CACNA1I: variants seen among roughly 807,000 people sequenced by gnomAD.
The protein encoded by CACNA1I is voltage-dependent T-type calcium channel subunit alpha-1I.
Under a neutral mutation model 201.6 loss-of-function variants are expected in CACNA1I, and 74 were observed. The observed-to-expected ratio is 0.37, with a 90% CI of 0.30 to 0.45. The LOEUF (loss-of-function observed/expected upper bound fraction) is 0.45, where lower values mean the gene tolerates loss of function less well. Ranked by LOEUF, CACNA1I falls within the 20% of genes least tolerant of loss-of-function variation. The pLI is 1.00. For synonymous variants in CACNA1I, 1,431 were observed against 1,345.2 expected, an observed-to-expected ratio of 1.06 and a Z score of -1.40; for missense variants, 2,346 against 3,138.1, an observed-to-expected ratio of 0.75 and a Z score of 6.03.
At chr22:39,632,319 G>A (rs1356477008) in intron 4 of CACNA1I, among the ~76,000 whole-genome samples, 1 of 152,072 alleles carries the variant, frequency 6.6e-6, no homozygotes, top group African/African-American at 2.4e-5. Flanking sequence ...AGAGCTGATC[G>A]AGGGTTCTGC....
At chr22:39,581,937 G>C (rs1932565463) in intron 1 of CACNA1I, among the ~76,000 whole-genome samples, 1 of 152,168 alleles carries the variant, frequency 6.6e-6, no homozygotes, top group African/African-American at 2.4e-5. Context: ...TATCCTGTGT[G>C]ATGCTGAGCA....
intron 34 of CACNA1I, among the ~76,000 whole-genome samples, chr22:39,681,749 T>A (rs1177519215): frequency 6.6e-6 from 1 of 151,800 alleles, no homozygotes; most frequent in Non-Finnish European, 1.5e-5. Context: ...AAGGGACAGC[T>A]GGGGGATACC....
intron 3 of CACNA1I, among the ~76,000 whole-genome samples, chr22:39,607,304 C>A (rs6001639): frequency 0.46 from 70,494 of 152,120 alleles, 17,157 homozygotes; most frequent in African/African-American, 0.52. Context: ...AACACATGCA[C>A]ATCCTTTCAC....
chr22:39,602,132 T>C lies in CACNA1I; in HGVS notation c.482+1479T>C, dbSNP rs1601809462. On this transcript the variant is annotated intron_variant, in intron 3 of 36. Coordinates refer to ENST00000402142, the MANE Select transcript of CACNA1I (RefSeq NM_021096.4). ...CTGTACCTAGGTTGGAGTGTGGTGA[T>C]GCAGTCACCACACACTGCAGCCTTG... Among the ~76,000 whole-genome samples, 3 of 129,982 alleles carry C rather than the reference T, an allele frequency of 2.3e-5. No homozygotes were observed. The South Asian group carries it at 8.9e-4, about 39-fold the overall frequency. 85.3% of individuals were successfully genotyped at this position (129,982 alleles called of 152,430 possible).
intron 35 of CACNA1I, among the ~76,000 whole-genome samples, chr22:39,683,782 C>G (rs1935772230): frequency 6.6e-6 from 1 of 151,530 alleles, no homozygotes; most frequent in South Asian, 2.1e-4. Context: ...TGCAGCCAAC[C>G]AGGCCAGACT....
At position 39,684,729 on chromosome 22, in the gene CACNA1I, A is replaced by AGG. The variant is rs370237729; in HGVS notation, c.6027+232_6027+233dup. On this transcript the variant is annotated intron_variant, in intron 36 of 36. Coordinates refer to ENST00000402142, the MANE Select transcript of CACNA1I (RefSeq NM_021096.4). The surrounding 1 kb of genome is among the most constrained non-coding windows in gnomAD (Gnocchi z 4.6). ...GTCCTGGGGACAGCAGAGTGTGGGG[A>AGG]GGACCCCAAGGCGGGTCTGGAAGAG... The AGG allele has an allele frequency of 1.6e-6, 1 of 606,314 alleles. No homozygotes were observed. The highest frequency in any genetic ancestry group is 1.9e-5 in the African/African-American group (1 of 54,000). 37.6% of individuals were successfully genotyped at this position (606,314 alleles called of 1,614,324 possible).
At chr22:39,641,252 G>C (rs776391600) in intron 6 of CACNA1I, 70 bp downstream of exon 6, 116 of 1,363,058 alleles carry the variant, frequency 8.5e-5, no homozygotes, top group Non-Finnish European at 1.2e-4. Flanking sequence ...GCAGGGCTCT[G>C]TGCTAGGCAT....
Position 39,659,323 on chromosome 22 carries a change from G to A in CACNA1I, c.2331-110G>A, listed in dbSNP as rs1285359505. 3.2e-6 allele frequency: 3 copies of A among 949,730 alleles called. No individual in the cohort carries two copies. Among genetic ancestry groups the A allele is most frequent in the African/African-American group, 1.6e-5 (1 of 61,622 alleles). The allele number at this position is 949,730 out of a possible 1,614,324, so 58.8% of individuals were successfully genotyped here. ...ATCTCTGTAAAATGGGACCAACGCT[G>A]CCCCGCCTCCCCCTGCCCTGCATTT... On this transcript the variant is annotated intron_variant, in intron 12 of 36. Coordinates refer to ENST00000402142, the MANE Select transcript of CACNA1I (RefSeq NM_021096.4). This position sits in a 1 kb window ranked among gnomAD's most constrained non-coding sequence, Gnocchi z 4.3.
At chr22:39,578,533 T>C (rs767726111) in intron 1 of CACNA1I, among the ~76,000 whole-genome samples, 7 of 152,076 alleles carry the variant, frequency 4.6e-5, no homozygotes, top group Non-Finnish European at 8.8e-5. Flanking sequence ...GAGAGAGCAC[T>C]GGGCCAGGTA....
At position 39,631,333 on chromosome 22, in the gene CACNA1I, T is replaced by C. The variant is rs117281553; in HGVS notation, c.581-3232T>C. On this transcript the variant is annotated intron_variant, in intron 4 of 36. Transcript: ENST00000402142. ...GACTCCAGGGTCCTCTTCCCCTTTT[T>C]AGCTGGGGAGCCAGGGCCCTCAATC... Among the ~76,000 whole-genome samples, 79 of 152,316 alleles carry C rather than the reference T, an allele frequency of 5.2e-4. 1 individual carries two copies. In the East Asian group the frequency reaches 9.3e-3, roughly 18 times the overall value.
At chr22:39,578,033 G>A (rs1932418024) in intron 1 of CACNA1I, among the ~76,000 whole-genome samples, 1 of 152,230 alleles carries the variant, frequency 6.6e-6, no homozygotes, top group Non-Finnish European at 1.5e-5. Flanking sequence ...CACTGGAGCT[G>A]ACGGAGTCGC....
At chr22:39,576,788 C>T (rs1932370522) in intron 1 of CACNA1I, among the ~76,000 whole-genome samples, 3 of 152,154 alleles carry the variant, frequency 2.0e-5, no homozygotes, top group African/African-American at 7.2e-5. Flanking sequence ...ACCCATTTCC[C>T]GGCCGCCCTC....
chr22:39,598,106 C>A, intron 1 of CACNA1I, 45 bp from the exon 2 acceptor site: 1 of 1,255,218 alleles, frequency 8.0e-7, no homozygotes, highest in East Asian at 2.5e-5. Context: ...CCCCAGCCCC[C>A]ACGGGCGATC....
At chr22:39,680,813 C>A in intron 33 of CACNA1I, 117 bp from the exon 34 acceptor site, 1 of 1,167,048 alleles carries the variant, frequency 8.6e-7, no homozygotes, top group African/African-American at 1.5e-5. Flanking sequence ...GTGTCTGGAC[C>A]TTTCTGACCA....
At chr22:39,607,072 G>A (rs1175365761) in intron 3 of CACNA1I, among the ~76,000 whole-genome samples, 3 of 152,196 alleles carry the variant, frequency 2.0e-5, no homozygotes, top group South Asian at 2.1e-4. Flanking sequence ...TCTGATGTCT[G>A]GTCTCTGGGG....
chr22:39,646,869 C>A lies in CACNA1I; in HGVS notation c.1450C>A (p.Pro484Thr), dbSNP rs879392166. The A allele has an allele frequency of 6.6e-7, 1 of 1,505,104 alleles. No homozygotes were observed. The highest frequency in any genetic ancestry group is 2.5e-5 in the East Asian group (1 of 40,524). The allele number at this position is 1,505,104 out of a possible 1,614,324, so 93.2% of individuals were successfully genotyped here. A position where few individuals can be genotyped will look rare whatever the true frequency, so the allele number is the denominator to read the frequency against. Residue 484 changes from proline to threonine, a missense_variant, in exon 8 of 37, where the codon CCC becomes ACC. Pro to Thr is a conservative substitution (Grantham distance 38). This residue lies in a region of CACNA1I where 312 missense variants were observed against 331.5 expected (regional missense o/e 0.94). Coordinates refer to ENST00000402142, the MANE Select transcript of CACNA1I (RefSeq NM_021096.4). ...PAKPGPHAKE[P>T]RHYHGKTKGQ... ...CAAACCTGGGCCCCACGCCAAGGAG[C>A]CCCGGCACTACCGTAAGTGGCCCTG... is the stretch of plus-strand genomic sequence containing the variant.
intron 3 of CACNA1I, among the ~76,000 whole-genome samples, chr22:39,605,145 C>T (rs1027237791): frequency 3.3e-5 from 5 of 150,570 alleles, no homozygotes; most frequent in South Asian, 2.1e-4. Context: ...TTCTGTTCCC[C>T]GAGTAACCGG....
At position 39,665,362 on chromosome 22, in the gene CACNA1I, C is replaced by T. The variant is rs966278133; in HGVS notation, c.3852-136C>T. 41 of 1,008,008 alleles carry T rather than the reference C, an allele frequency of 4.1e-5. No individual in the cohort carries two copies. The highest frequency in any genetic ancestry group is 5.6e-5 in the Non-Finnish European group (39 of 698,320). The allele number at this position is 1,008,008 out of a possible 1,614,324, so 62.4% of individuals were successfully genotyped here. The stretch of plus-strand genomic sequence containing the variant: ...GCATTCCTGGAGACTGTCCTCATGC[C>T]CCAGGGTGTTCAGCCCTGGTGAGCC... On this transcript the variant is annotated intron_variant, in intron 21 of 36. Coordinates refer to ENST00000402142, the MANE Select transcript of CACNA1I (RefSeq NM_021096.4). The surrounding 1 kb of genome is among the most constrained non-coding windows in gnomAD (Gnocchi z 5.5).
chr22:39,619,325 C>A lies in CACNA1I; in HGVS notation c.498C>A (p.Ser166=), dbSNP rs1357937455. The A allele has an allele frequency of 9.9e-6, 16 of 1,609,088 alleles. No individual in the cohort carries two copies. The highest frequency in any genetic ancestry group is 1.4e-5 in the Non-Finnish European group (16 of 1,179,502). ...TTCTCTGCAGGATGGTCGAGTACTC[C>A]CTGGACCTTCAGAACATCAACCTGT... is the stretch of plus-strand genomic sequence containing the variant. ...FIVMAGMVEY[S]LDLQNINLSA... Residue 166 remains serine, a synonymous_variant, in exon 4 of 37, where the codon TCC becomes TCA. Coordinates refer to ENST00000402142, the MANE Select transcript of CACNA1I (RefSeq NM_021096.4).
Sources: allele counts gnomAD v4.1 joint callset (sites outside exome capture counted in the v4.1 genomes callset), GRCh38; gene constraint gnomAD v4.1.1; regional missense constraint gnomAD v4.1.1; non-coding constraint Gnocchi (gnomAD v3.1); transcripts MANE v1.5; gene names NCBI Gene and HGNC (gene_info 2026-07-23, HGNC 2026-07-21).